BTG4: variants seen among roughly 807,000 people sequenced by gnomAD.
The protein encoded by BTG4 is BTG anti-proliferation factor 4.
A neutral mutation model predicts 19.3 loss-of-function variants in BTG4; 10 were observed. The ratio of observed to expected loss-of-function variants is 0.52; its 90% CI spans 0.32 to 0.88. The LOEUF is 0.88. BTG4 is among the 40% of genes least tolerant of loss of function. BTG4 has a pLI of 0.04. For missense variants in BTG4, 238 were observed against 281.9 expected, an observed-to-expected ratio of 0.84 and a Z score of 1.11; for synonymous variants, 91 against 95.7, an observed-to-expected ratio of 0.95 and a Z score of 0.29.
the BTG4 span, chr11:111,456,624 CA>C: frequency 4.5e-6 from 2 of 443,566 alleles, no homozygotes; most frequent in Admixed American, 4.7e-5. The surrounding 1 kb of genome is among the most constrained non-coding windows in gnomAD (Gnocchi z 4.2). Flanking sequence ...ACGCAGGCTC[CA>C]TACCCCCTGG....
the BTG4 span, among the ~76,000 whole-genome samples, chr11:111,457,557 C>T: frequency 6.6e-6 from 1 of 152,122 alleles, no homozygotes. Flanking sequence ...CTCTCAGCCT[C>T]TTACCCCCAA....
At chr11:111,390,746 C>A in the BTG4 span, among the ~76,000 whole-genome samples, 1 of 152,212 alleles carries the variant, frequency 6.6e-6, no homozygotes, top group Non-Finnish European at 1.5e-5. Flanking sequence ...AGCATCTTGA[C>A]TCTCCCTCTT....
At chr11:111,486,813 A>T (rs984393894) in intron 5 of BTG4, among the ~76,000 whole-genome samples, 2 of 152,178 alleles carry the variant, frequency 1.3e-5, no homozygotes, top group African/African-American at 2.4e-5. Context: ...TGATTTTTTT[A>T]AATATTTAAT....
the BTG4 span, chr11:111,456,639 C>T: frequency 2.3e-6 from 1 of 430,162 alleles, no homozygotes; most frequent in Non-Finnish European, 4.8e-6. The surrounding 1 kb of genome is among the most constrained non-coding windows in gnomAD (Gnocchi z 4.2). Context: ...CCCCTGGCTA[C>T]TTCATCCACC....
downstream of BTG4, among the ~76,000 whole-genome samples, chr11:111,493,748 T>C (rs867247823): frequency 6.6e-6 from 1 of 152,208 alleles, no homozygotes; most frequent in South Asian, 2.1e-4. Flanking sequence ...TGACCTCATA[T>C]GCCATTAAGG....
chr11:111,396,979 G>A, the BTG4 span: 4 of 152,268 alleles, frequency 2.6e-5, no homozygotes, highest in East Asian at 3.9e-4. Flanking sequence ...GAACAGTGTC[G>A]AGAACATATA....
the BTG4 span, among the ~76,000 whole-genome samples, chr11:111,452,111 T>C: frequency 6.6e-6 from 1 of 152,214 alleles, no homozygotes; most frequent in African/African-American, 2.4e-5. Context: ...CTGATCCAGG[T>C]GTGCTGTTAG....
chr11:111,514,639 C>T (rs1366951998), upstream of BTG4: 2 of 644,082 alleles, frequency 3.1e-6, no homozygotes, highest in East Asian at 2.7e-5. Context: ...CGACGGCCCC[C>T]ACGCGCGTGG....
chr11:111,441,689 T>C, the BTG4 span, among the ~76,000 whole-genome samples: 7 of 152,210 alleles, frequency 4.6e-5, no homozygotes, highest in Non-Finnish European at 1.0e-4. Flanking sequence ...TGTTATTGAC[T>C]TGAATGTGTG....
the BTG4 span, among the ~76,000 whole-genome samples, chr11:111,413,846 C>G: frequency 1.3e-5 from 2 of 152,182 alleles, no homozygotes; most frequent in Non-Finnish European, 2.9e-5. Flanking sequence ...GAAGGTACAA[C>G]CAGAGCCTTC....
At chr11:111,385,130 A>T in the BTG4 span, 1 of 152,264 alleles carries the variant, frequency 6.6e-6, no homozygotes, top group East Asian at 1.9e-4. Context: ...ACTTTTAAAC[A>T]TTCTGTTTAA....
At chr11:111,392,987 G>A in the BTG4 span, among the ~76,000 whole-genome samples, 1 of 152,190 alleles carries the variant, frequency 6.6e-6, no homozygotes, top group African/African-American at 2.4e-5. Context: ...GCCCTGAGGG[G>A]AGTCTTATGG....
chr11:111,502,030 T>A (rs1291528119), intron 1 of BTG4, among the ~76,000 whole-genome samples: 1 of 152,206 alleles, frequency 6.6e-6, no homozygotes, highest in East Asian at 1.9e-4. Flanking sequence ...ATGATGTAGT[T>A]GTCATTCCTC....
the BTG4 span, among the ~76,000 whole-genome samples, chr11:111,442,031 C>G: frequency 7.3e-5 from 11 of 151,502 alleles, no homozygotes; most frequent in Admixed American, 2.0e-4. Flanking sequence ...TGTACTCCAG[C>G]CTGGGTGACA....
At chr11:111,507,854 G>A (rs767145923) in intron 1 of BTG4, 1 of 152,116 alleles carries the variant, frequency 6.6e-6, no homozygotes, top group African/African-American at 2.4e-5. Flanking sequence ...CTTGATAGCA[G>A]GGACTGGTAG....
At chr11:111,431,496 C>A in the BTG4 span, among the ~76,000 whole-genome samples, 3 of 152,200 alleles carry the variant, frequency 2.0e-5, no homozygotes, top group Non-Finnish European at 2.9e-5. Context: ...TGATTCCAAC[C>A]AAGAGGCCCC....
At chr11:111,468,741 T>C (rs113593172) in intron 5 of BTG4, among the ~76,000 whole-genome samples, 1 of 152,216 alleles carries the variant, frequency 6.6e-6, no homozygotes, top group Admixed American at 6.5e-5. Flanking sequence ...ATTCTCAAAC[T>C]GTGATCCTTA....
At chr11:111,442,756 T>C in the BTG4 span, among the ~76,000 whole-genome samples, 2 of 151,976 alleles carry the variant, frequency 1.3e-5, no homozygotes, top group African/African-American at 4.8e-5. Flanking sequence ...AATGAATACC[T>C]ATAAGTCCAT....
chr11:111,457,999 G>A, the BTG4 span: 1 of 152,760 alleles, frequency 6.5e-6, no homozygotes, highest in Admixed American at 6.5e-5. Flanking sequence ...GAGGGCCACA[G>A]GCCCTGCTGG....
Sources: gnomAD v4.1 joint callset for allele counts (sites outside exome capture counted in the v4.1 genomes callset) on GRCh38, gnomAD v4.1.1 for gene constraint, Gnocchi (gnomAD v3.1) non-coding constraint, MANE v1.5 for transcripts, NCBI Gene and HGNC (gene_info 2026-07-23, HGNC 2026-07-21) for gene names.